Variants in BCL2 observed in about 807,000 individuals in gnomAD.
BCL2 encodes the protein apoptosis regulator Bcl-2.
A neutral mutation model predicts 14.2 loss-of-function variants in BCL2; 1 was observed. That is an observed-to-expected ratio of 0.07 (90% CI 0.02 to 0.33). The LOEUF (loss-of-function observed/expected upper bound fraction) is 0.33, where lower values mean the gene tolerates loss of function less well. Ranked by LOEUF, BCL2 falls within the 10% of genes least tolerant of loss-of-function variation. The probability of loss-of-function intolerance (pLI) is 0.99; values close to 1 mark genes in which losing one functional copy is unlikely to be tolerated. For missense variants in BCL2, 247 were observed against 305.9 expected (o/e 0.81, Z 1.44); for synonymous variants, 151 against 137.2 (o/e 1.10, Z -0.70).
intron 2 of BCL2, among the ~76,000 whole-genome samples, chr18:63,170,846 C>T (rs886204847): frequency 3.3e-5 from 5 of 152,218 alleles, no homozygotes; most frequent in Admixed American, 1.3e-4. Flanking sequence ...TCACAAGCTA[C>T]AGGTCGCACA....
chr18:63,283,414 G>A (rs1051555707), intron 2 of BCL2, among the ~76,000 whole-genome samples: 1 of 152,138 alleles, frequency 6.6e-6, no homozygotes, highest in Non-Finnish European at 1.5e-5. Context: ...ACCTTCTCCA[G>A]CCTGGGAGGT....
chr18:63,215,621 A>T (rs552982908), intron 2 of BCL2, among the ~76,000 whole-genome samples: 79 of 152,322 alleles, frequency 5.2e-4, no homozygotes, highest in South Asian at 2.7e-3. Flanking sequence ...TCTAGAAGAG[A>T]GGAATTAGAG....
At chr18:63,282,983 C>T (rs1357403624) in intron 2 of BCL2, among the ~76,000 whole-genome samples, 1 of 152,110 alleles carries the variant, frequency 6.6e-6, no homozygotes, top group African/African-American at 2.4e-5. Flanking sequence ...CTGGGATTTC[C>T]ACTGCTTTAG....
intron 2 of BCL2, among the ~76,000 whole-genome samples, chr18:63,212,220 G>T (rs1358306829): frequency 6.6e-6 from 1 of 151,366 alleles, no homozygotes; most frequent in Admixed American, 6.6e-5. Flanking sequence ...CAGCTACTCG[G>T]GAGGCTGAGG....
chr18:63,252,448 T>A (rs1339673567), intron 2 of BCL2, among the ~76,000 whole-genome samples: 2 of 152,226 alleles, frequency 1.3e-5, no homozygotes, highest in African/African-American at 2.4e-5. Context: ...CCCACCCAAA[T>A]CTCATCTTGA....
rs1412212456 is a variant in BCL2, at chr18:63,318,956, A to AG, written c.-286-5_-286-4insC. 27 of 1,302,340 alleles carry AG rather than the reference A, an allele frequency of 2.1e-5. No homozygotes were observed. Among genetic ancestry groups the AG allele is most frequent in the Admixed American group, 1.9e-4 (5 of 25,662 alleles). 80.7% of individuals were successfully genotyped at this position (1,302,340 alleles called of 1,614,324 possible). ...TCAGTCTACTTCCTCTGTGATGCTG[A>AG]AAGGTTAAAGAAAAAACAAACTAAT... On this transcript the variant is annotated splice_region_variant and splice_polypyrimidine_tract_variant and intron_variant, in intron 1 of 2. Transcript: ENST00000333681. This position sits in a 1 kb window ranked among gnomAD's most constrained non-coding sequence, Gnocchi z 7.4.
At chr18:63,219,740 G>A (rs931184572) in intron 2 of BCL2, among the ~76,000 whole-genome samples, 2 of 152,162 alleles carry the variant, frequency 1.3e-5, no homozygotes, top group African/African-American at 4.8e-5. Context: ...AGATGCAAGG[G>A]CAAGTGAGCT....
chr18:63,232,095 C>T (rs7231914), intron 2 of BCL2, among the ~76,000 whole-genome samples: 64,846 of 151,772 alleles, frequency 0.43, 16,624 homozygotes, highest in Non-Finnish European at 0.59. Flanking sequence ...AGGTGGTTCG[C>T]AGACAACTGT....
At chr18:63,268,709 G>T (rs1384743336) in intron 2 of BCL2, among the ~76,000 whole-genome samples, 1 of 152,026 alleles carries the variant, frequency 6.6e-6, no homozygotes, top group Non-Finnish European at 1.5e-5. Flanking sequence ...TCATGACTGG[G>T]CAACAGAAAT....
chr18:63,218,625 C>T, intron 2 of BCL2, among the ~76,000 whole-genome samples: 1 of 147,122 alleles, frequency 6.8e-6, no homozygotes, highest in African/African-American at 2.5e-5. Context: ...CCCCTCCACT[C>T]ATCCCATCCA....
At chr18:63,174,061 T>C (rs977629168) in intron 2 of BCL2, among the ~76,000 whole-genome samples, 1 of 152,214 alleles carries the variant, frequency 6.6e-6, no homozygotes, top group Non-Finnish European at 1.5e-5. Flanking sequence ...ATAGCTGTAA[T>C]TTAATTATCA....
intron 2 of BCL2, among the ~76,000 whole-genome samples, chr18:63,298,275 T>C (rs778009886): frequency 6.6e-6 from 1 of 152,216 alleles, no homozygotes; most frequent in Non-Finnish European, 1.5e-5. Flanking sequence ...CAGTCGTGGT[T>C]GTAATGATCC....
At chr18:63,187,420 T>C (rs972118071) in intron 2 of BCL2, among the ~76,000 whole-genome samples, 1 of 152,202 alleles carries the variant, frequency 6.6e-6, no homozygotes, top group African/African-American at 2.4e-5. Flanking sequence ...CTTATGCACA[T>C]GCCGTTCTCT....
chr18:63,170,825 G>A (rs925472264), intron 2 of BCL2, among the ~76,000 whole-genome samples: 1 of 152,166 alleles, frequency 6.6e-6, no homozygotes, highest in Non-Finnish European at 1.5e-5. Flanking sequence ...TGTCATGGAC[G>A]GTCACTGGGC....
intron 2 of BCL2, among the ~76,000 whole-genome samples, chr18:63,284,850 G>A (rs927596474): frequency 6.6e-6 from 1 of 152,116 alleles, no homozygotes; most frequent in African/African-American, 2.4e-5. Flanking sequence ...CCTCCCGCTG[G>A]GCCCAGGTCA....
At chr18:63,130,896 C>T (rs1914048741) in intron 2 of BCL2, among the ~76,000 whole-genome samples, 1 of 152,132 alleles carries the variant, frequency 6.6e-6, no homozygotes, top group South Asian at 2.1e-4. Context: ...TCATGGATTG[C>T]CCTCCAACCA....
At chr18:63,270,146 A>G (rs1911964631) in intron 2 of BCL2, among the ~76,000 whole-genome samples, 1 of 130,234 alleles carries the variant, frequency 7.7e-6, no homozygotes, top group Non-Finnish European at 1.8e-5. Context: ...TATTGCTAGC[A>G]GAATTGTTAA....
intron 2 of BCL2, among the ~76,000 whole-genome samples, chr18:63,185,845 C>A (rs1915582903): frequency 6.6e-6 from 1 of 152,232 alleles, no homozygotes; most frequent in Non-Finnish European, 1.5e-5. Flanking sequence ...CCCAGGCAAT[C>A]TGGGTCCTGA....
At chr18:63,262,840 T>C (rs1309539046) in intron 2 of BCL2, among the ~76,000 whole-genome samples, 1 of 152,150 alleles carries the variant, frequency 6.6e-6, no homozygotes, top group East Asian at 1.9e-4. Context: ...AGAACTTACA[T>C]CAACAAGGAA....
Sources: gnomAD v4.1 joint callset for allele counts (sites outside exome capture counted in the v4.1 genomes callset) on GRCh38, gnomAD v4.1.1 for gene constraint, Gnocchi (gnomAD v3.1) non-coding constraint, MANE v1.5 for transcripts, NCBI Gene and HGNC (gene_info 2026-07-23, HGNC 2026-07-21) for gene names.